METTL15: variants seen among roughly 807,000 people sequenced by gnomAD.
METTL15 encodes the protein methyltransferase 15, mitochondrial 12S rRNA N4-cytidine.
METTL15 carries 34 observed loss-of-function variants against 38.3 expected under a neutral mutation model. The observed-to-expected ratio is 0.89, with a 90% CI of 0.68 to 1.18. METTL15 has a LOEUF of 1.18. METTL15 is among the 50% of genes most tolerant of loss of function. The pLI is 0.00. For missense variants in METTL15, 438 were observed against 498.4 expected (o/e 0.88, Z 1.15); for synonymous variants, 162 against 170.9 (o/e 0.95, Z 0.41).
intron 6 of METTL15, among the ~76,000 whole-genome samples, chr11:28,489,753 G>A (rs546157095): frequency 1.1e-4 from 17 of 152,140 alleles, no homozygotes; most frequent in South Asian, 1.0e-3. Context: ...CCTCAGGTTC[G>A]TCAGCTATAT....
rs988219839 is a variant in METTL15 at position 28,332,236 on chromosome 11, C to A, written c.*1395C>A. On this transcript the variant is annotated 3_prime_UTR_variant, in exon 7 of 7. Transcript: ENST00000407364. ...GGGAAATCAGAATTAGGAAAAAAAT[C>A]TGGAGAACAATATGGTTGAAATAGA... is the stretch of plus-strand genomic sequence containing the variant. 4 of 152,142 alleles carry A rather than the reference C, an allele frequency of 2.6e-5. No individual in the cohort carries two copies. The highest frequency in any genetic ancestry group is 9.7e-5 in the African/African-American group (4 of 41,434). 9.4% of individuals were successfully genotyped at this position (152,142 alleles called of 1,614,324 possible).
At chr11:28,293,731 T>G (rs1856618634) in intron 5 of METTL15, among the ~76,000 whole-genome samples, 1 of 152,184 alleles carries the variant, frequency 6.6e-6, no homozygotes, top group South Asian at 2.1e-4. Flanking sequence ...TTTTATTTCA[T>G]TGAGCAGTGG....
rs149825450 is a variant in METTL15, at chr11:28,325,047, C to T, written c.779-5349C>T. On this transcript the variant is annotated intron_variant, in intron 6 of 6. Coordinates refer to ENST00000407364, the MANE Select transcript of METTL15 (RefSeq NM_001113528.2). ...GCTTAACTCTTTCTCTGGGCATGAG[C>T]GAGCCAAGCTTTGTCCTGGCTCCCC... is the stretch of plus-strand genomic sequence containing the variant. 4.7e-3 allele frequency among the ~76,000 whole-genome samples: 710 copies of T among 152,216 alleles called. 9 individuals are homozygous for T. Among genetic ancestry groups the T allele is most frequent in the African/African-American group, 0.017 (688 of 41,530 alleles).
chr11:28,171,762 C>T (rs1027169238), intron 3 of METTL15, among the ~76,000 whole-genome samples: 6 of 151,120 alleles, frequency 4.0e-5, no homozygotes, highest in Non-Finnish European at 7.4e-5. Context: ...CTTTGTTTCC[C>T]CTGCCCGCCG....
intron 4 of METTL15, among the ~76,000 whole-genome samples, chr11:28,265,378 A>G (rs2133947197): frequency 1.3e-5 from 2 of 152,072 alleles, no homozygotes; most frequent in South Asian, 4.2e-4. Flanking sequence ...CACTGGCATC[A>G]TCATAGAAAG....
intron 6 of METTL15, among the ~76,000 whole-genome samples, chr11:28,496,974 G>A (rs547547178): frequency 3.9e-5 from 6 of 152,254 alleles, no homozygotes; most frequent in African/African-American, 9.6e-5. Flanking sequence ...GCCAGGCACC[G>A]CATTCAGGTT....
downstream of METTL15, among the ~76,000 whole-genome samples, chr11:28,529,685 G>A (rs982589611): frequency 5.3e-5 from 8 of 151,872 alleles, no homozygotes; most frequent in African/African-American, 1.9e-4. Context: ...TCTGTTTGGC[G>A]TTTAGTGAAG....
chr11:28,212,254 G>A (rs1175170434), intron 4 of METTL15, among the ~76,000 whole-genome samples: 1 of 152,010 alleles, frequency 6.6e-6, no homozygotes, highest in African/African-American at 2.4e-5. Flanking sequence ...GATTTATGGA[G>A]TCCCTGAAAC....
chr11:28,227,454 TC>T (rs1207232744), intron 4 of METTL15, among the ~76,000 whole-genome samples: 1 of 151,788 alleles, frequency 6.6e-6, no homozygotes, highest in African/African-American at 2.4e-5. Flanking sequence ...ACATGAAAGA[TC>T]AATGATAGTT....
intron 6 of METTL15, among the ~76,000 whole-genome samples, chr11:28,471,591 T>TC (rs1851303615): frequency 6.6e-6 from 1 of 151,984 alleles, no homozygotes; most frequent in South Asian, 2.1e-4. Flanking sequence ...GCCTTCCAGC[T>TC]CCCCCATCAT....
intron 5 of METTL15, 47 bp downstream of exon 5, chr11:28,290,444 T>C (rs767784330): frequency 6.5e-5 from 99 of 1,534,396 alleles, no homozygotes; most frequent in Non-Finnish European, 8.5e-5. Context: ...AATCAATTTG[T>C]CAAAAACACT....
At chr11:28,385,767 T>C (rs1487850637) in intron 5 of METTL15, among the ~76,000 whole-genome samples, 1 of 152,108 alleles carries the variant, frequency 6.6e-6, no homozygotes, top group Non-Finnish European at 1.5e-5. Flanking sequence ...TTCTAGCTGA[T>C]GATAATCTTT....
intron 5 of METTL15, among the ~76,000 whole-genome samples, chr11:28,370,334 A>C (rs1850230346): frequency 6.6e-6 from 1 of 151,722 alleles, no homozygotes; most frequent in South Asian, 2.1e-4. Context: ...TGCTTGGCTT[A>C]TTTTATCTAG....
At chr11:28,313,177 G>C (rs1423963357) in intron 6 of METTL15, among the ~76,000 whole-genome samples, 1 of 151,850 alleles carries the variant, frequency 6.6e-6, no homozygotes, top group Non-Finnish European at 1.5e-5. Flanking sequence ...CTCTAAAATA[G>C]GATAATGGTT....
chr11:28,407,445 G>A (rs1326854040), intron 5 of METTL15, among the ~76,000 whole-genome samples: 3 of 152,086 alleles, frequency 2.0e-5, no homozygotes, highest in Non-Finnish European at 4.4e-5. Context: ...GCATCTGGAA[G>A]GAGCTTAAAC....
At chr11:28,445,795 A>G (rs1392459924) in intron 6 of METTL15, among the ~76,000 whole-genome samples, 1 of 151,736 alleles carries the variant, frequency 6.6e-6, no homozygotes, top group Non-Finnish European at 1.5e-5. Flanking sequence ...GGAACTACTG[A>G]CATGTGCCAC....
Position 28,417,458 on chromosome 11 carries a change from C to T in METTL15, c.*359-6841C>T, listed in dbSNP as rs554755407. On this transcript the variant is annotated intron_variant and NMD_transcript_variant, in intron 5 of 7. Transcript: ENST00000532947. ...TCTTGAGAATCTGGCTCAAGGGACT[C>T]GAAGATAAATCAAATCACAAAAAGC... Among the ~76,000 whole-genome samples, 15 of 152,188 alleles carry T rather than the reference C, an allele frequency of 9.9e-5. No homozygotes were observed. The South Asian group carries it at 2.3e-3, about 23-fold the overall frequency.
At chr11:28,482,973 G>A (rs946023028) in intron 6 of METTL15, among the ~76,000 whole-genome samples, 5 of 151,980 alleles carry the variant, frequency 3.3e-5, no homozygotes, top group Admixed American at 1.3e-4. Flanking sequence ...GACACAATCC[G>A]GATCAGCCTC....
chr11:28,109,292 G>A lies in METTL15; in HGVS notation c.-254+840G>A, dbSNP rs996700873. Among the ~76,000 whole-genome samples, 54 of 152,182 alleles carry A rather than the reference G, an allele frequency of 3.5e-4. 2 individuals are homozygous for A. The highest frequency in any genetic ancestry group is 2.5e-3 in the Admixed American group (38 of 15,280). ...TACTACTTATTTTTGGCTGTATTAC[G>A]TGTATCTTAGCTAATGAAATGGTTA... On this transcript the variant is annotated intron_variant, in intron 1 of 6. Coordinates refer to ENST00000407364, the MANE Select transcript of METTL15 (RefSeq NM_001113528.2).
Sources: gnomAD v4.1 joint callset for allele counts (sites outside exome capture counted in the v4.1 genomes callset) on GRCh38, gnomAD v4.1.1 for gene constraint, MANE v1.5 for transcripts, NCBI Gene and HGNC (gene_info 2026-07-23, HGNC 2026-07-21) for gene names.